NCKAP5: variants seen among roughly 807,000 people sequenced by gnomAD.
NCKAP5 encodes NCK associated protein 5, also known as nck-associated protein 5.
Under a neutral mutation model 167.0 loss-of-function variants are expected in NCKAP5, and 92 were observed. The observed-to-expected ratio is 0.55, with a 90% CI of 0.47 to 0.66. NCKAP5 has a LOEUF of 0.66. NCKAP5 is among the 30% of genes least tolerant of loss of function. NCKAP5 has a pLI of 0.00. For missense variants in NCKAP5, 2,378 were observed against 2,315.0 expected (o/e 1.03, Z -0.56); for synonymous variants, 891 against 877.4 (o/e 1.02, Z -0.27).
rs552769720 is a variant in NCKAP5 at position 133,441,882 on chromosome 2, G to A, written c.69+75576C>T. On this transcript the variant is annotated intron_variant, in intron 3 of 19. Coordinates refer to ENST00000409261, the MANE Select transcript of NCKAP5 (RefSeq NM_207363.3). ...TTTATTTAAATATAGACTCTTCTCT[G>A]TATCAGTTTCGCTCTTTCAGTCTCT... Among the ~76,000 whole-genome samples the A allele has an allele frequency of 9.2e-5, 14 of 152,242 alleles. No homozygotes were observed. The East Asian group carries it at 2.7e-3, about 29-fold the overall frequency.
At chr2:133,067,604 G>C (rs1462903772) in intron 6 of NCKAP5, among the ~76,000 whole-genome samples, 1 of 152,178 alleles carries the variant, frequency 6.6e-6, no homozygotes, top group Non-Finnish European at 1.5e-5. Flanking sequence ...CAAGTCAAGT[G>C]GGAAATGATC....
At chr2:132,821,856 C>T (rs989564641) in intron 11 of NCKAP5, among the ~76,000 whole-genome samples, 5 of 152,154 alleles carry the variant, frequency 3.3e-5, no homozygotes, top group Non-Finnish European at 5.9e-5. Context: ...CCACAGTGGC[C>T]GTGGCAAGCT....
intron 5 of NCKAP5, among the ~76,000 whole-genome samples, chr2:133,187,695 T>A (rs1378944091): frequency 6.6e-6 from 1 of 152,124 alleles, no homozygotes; most frequent in East Asian, 1.9e-4. Context: ...AATTGATATT[T>A]AAATTTAATG....
intron 6 of NCKAP5, among the ~76,000 whole-genome samples, chr2:133,014,721 T>A (rs895136868): frequency 2.6e-5 from 4 of 152,188 alleles, no homozygotes; most frequent in Admixed American, 6.5e-5. Context: ...CAATATTAAA[T>A]GATGTACTCC....
the NCKAP5 span, among the ~76,000 whole-genome samples, chr2:133,622,337 G>A: frequency 6.6e-6 from 1 of 152,234 alleles, no homozygotes; most frequent in South Asian, 2.1e-4. Context: ...TAAAGAGGAA[G>A]TTAAACTGTC....
chr2:132,704,827 T>C (rs919653449), intron 19 of NCKAP5, among the ~76,000 whole-genome samples: 1 of 152,214 alleles, frequency 6.6e-6, no homozygotes, highest in Non-Finnish European at 1.5e-5. Context: ...ATTCATGCTA[T>C]TGAACATGGA....
At chr2:133,674,244 GA>G in the NCKAP5 span, among the ~76,000 whole-genome samples, 112,786 of 149,286 alleles carry the variant, frequency 0.76, 42,519 homozygotes, top group East Asian at 0.79. Flanking sequence ...AGGGAAAAAA[GA>G]AAAAAAAAAA....
intron 11 of NCKAP5, among the ~76,000 whole-genome samples, chr2:132,802,643 C>A (rs1289299608): frequency 6.6e-6 from 1 of 152,044 alleles, no homozygotes; most frequent in Non-Finnish European, 1.5e-5. Flanking sequence ...TAAATATGAC[C>A]CTGAATAGAC....
At chr2:133,266,000 G>A (rs1244667316) in intron 4 of NCKAP5, among the ~76,000 whole-genome samples, 2 of 152,108 alleles carry the variant, frequency 1.3e-5, no homozygotes, top group East Asian at 1.9e-4. Context: ...GCCCCTTTAC[G>A]CCCCCACCCT....
At chr2:132,941,419 A>G (rs937807562) in intron 8 of NCKAP5, among the ~76,000 whole-genome samples, 8 of 152,190 alleles carry the variant, frequency 5.3e-5, no homozygotes, top group Non-Finnish European at 1.0e-4. Flanking sequence ...CTGGACAATC[A>G]GTGTAGTCCA....
intron 6 of NCKAP5, among the ~76,000 whole-genome samples, chr2:133,067,413 G>T (rs759696059): frequency 6.6e-6 from 1 of 152,214 alleles, no homozygotes; most frequent in Non-Finnish European, 1.5e-5. Context: ...AGGGTAAAAG[G>T]AATCCATGAT....
chr2:132,852,988 C>G (rs1689188763), intron 11 of NCKAP5, among the ~76,000 whole-genome samples: 1 of 152,186 alleles, frequency 6.6e-6, no homozygotes, highest in African/African-American at 2.4e-5. Flanking sequence ...AGCTAGTACA[C>G]TACCAAGGAC....
chr2:133,586,565 A>T, the NCKAP5 span, among the ~76,000 whole-genome samples: 1 of 152,108 alleles, frequency 6.6e-6, no homozygotes, highest in Non-Finnish European at 1.5e-5. Context: ...TCCTCCAACA[A>T]ATGTGACTCA....
chr2:132,930,105 C>T (rs914627841), intron 8 of NCKAP5: 6 of 152,258 alleles, frequency 3.9e-5, no homozygotes, highest in East Asian at 3.9e-4. Flanking sequence ...GCCAGGTCCC[C>T]GTAACAAATC....
intron 6 of NCKAP5, among the ~76,000 whole-genome samples, chr2:133,090,686 G>A (rs1224605611): frequency 2.0e-5 from 3 of 152,148 alleles, no homozygotes; most frequent in Non-Finnish European, 4.4e-5. Flanking sequence ...CAGCAGATGA[G>A]TTAGACACTG....
the NCKAP5 span, among the ~76,000 whole-genome samples, chr2:133,615,329 G>T: frequency 6.6e-6 from 1 of 151,190 alleles, no homozygotes; most frequent in African/African-American, 2.4e-5. Flanking sequence ...TGGACTAAAT[G>T]CTCCAATTAA....
chr2:133,083,139 A>G (rs2080868914), intron 6 of NCKAP5, among the ~76,000 whole-genome samples: 1 of 152,148 alleles, frequency 6.6e-6, no homozygotes, highest in African/African-American at 2.4e-5. Flanking sequence ...AACAATATCT[A>G]AATAATTATT....
chr2:133,487,718 C>T (rs1321571423), intron 3 of NCKAP5, among the ~76,000 whole-genome samples: 2 of 152,142 alleles, frequency 1.3e-5, no homozygotes, highest in Non-Finnish European at 2.9e-5. Context: ...ATGGCCACTT[C>T]CTTCCCCTAT....
At chr2:133,354,091 C>T (rs896389104) in intron 3 of NCKAP5, among the ~76,000 whole-genome samples, 1 of 152,234 alleles carries the variant, frequency 6.6e-6, no homozygotes, top group African/African-American at 2.4e-5. Flanking sequence ...TGTTTCCCCT[C>T]CCCTCAGGGG....
Sources: gnomAD v4.1 joint callset for allele counts (sites outside exome capture counted in the v4.1 genomes callset) on GRCh38, gnomAD v4.1.1 for gene constraint, MANE v1.5 for transcripts, NCBI Gene and HGNC (gene_info 2026-07-23, HGNC 2026-07-21) for gene names.